EPHB1: variants seen among roughly 807,000 people sequenced by gnomAD.
The protein encoded by EPHB1 is ephrin type-B receptor 1.
Under a neutral mutation model 94.4 loss-of-function variants are expected in EPHB1, and 30 were observed. The observed-to-expected ratio is 0.32, with a 90% CI of 0.24 to 0.43. The LOEUF (loss-of-function observed/expected upper bound fraction) is 0.43, where lower values mean the gene tolerates loss of function less well. Among genes scored for constraint, EPHB1 ranks in the 20% least tolerant of loss-of-function variants. The pLI, the probability that EPHB1 is intolerant of heterozygous loss-of-function variation, is 1.00. For missense variants in EPHB1, 1,055 were observed against 1,308.3 expected, an observed-to-expected ratio of 0.81 and a Z score of 2.99; for synonymous variants, 522 against 489.1, an observed-to-expected ratio of 1.07 and a Z score of -0.89.
rs1348234159 is a variant in EPHB1, at chr3:134,890,134, C to A, written c.59-35682C>A. On this transcript the variant is annotated intron_variant, in intron 1 of 15. Coordinates refer to ENST00000398015, the MANE Select transcript of EPHB1 (RefSeq NM_004441.5). ...CACCTCTCCTCAGTCACTACCCCCCCTTCCACCAGGGGTACCCACTGACTT... is the reference window on the plus strand; with the variant it reads ...CACCTCTCCTCAGTCACTACCCCCCATTCCACCAGGGGTACCCACTGACTT... Among the ~76,000 whole-genome samples, 15 of 152,324 alleles carry A rather than the reference C, an allele frequency of 9.8e-5. No individual in the cohort carries two copies. In the East Asian group the frequency reaches 2.3e-3, roughly 24 times the overall value.
At chr3:134,897,485 G>A (rs1411107581) in intron 1 of EPHB1, among the ~76,000 whole-genome samples, 3 of 152,160 alleles carry the variant, frequency 2.0e-5, no homozygotes, top group Non-Finnish European at 4.4e-5. Flanking sequence ...CACATCACAG[G>A]TGTGTTCGAT....
At chr3:135,117,002 C>G (rs945990180) in intron 4 of EPHB1, among the ~76,000 whole-genome samples, 1 of 152,138 alleles carries the variant, frequency 6.6e-6, no homozygotes, top group Non-Finnish European at 1.5e-5. Flanking sequence ...GTGACAAAGA[C>G]CAGGGATCCC....
At chr3:134,801,555 A>C (rs1192649720) in intron 1 of EPHB1, among the ~76,000 whole-genome samples, 1 of 152,232 alleles carries the variant, frequency 6.6e-6, no homozygotes, top group Non-Finnish European at 1.5e-5. Flanking sequence ...CACTTAAGCA[A>C]CTTGAATATT....
At chr3:134,983,993 G>A (rs1934506657) in intron 3 of EPHB1, among the ~76,000 whole-genome samples, 1 of 152,236 alleles carries the variant, frequency 6.6e-6, no homozygotes. Context: ...AGGGTTAGGT[G>A]AATGTGGACT....
At chr3:135,176,655 C>G (rs1192519893) in intron 9 of EPHB1, among the ~76,000 whole-genome samples, 4 of 152,218 alleles carry the variant, frequency 2.6e-5, no homozygotes, top group Non-Finnish European at 5.9e-5. Flanking sequence ...TTGCGCATTA[C>G]TGGCCCAAAA....
intron 12 of EPHB1, among the ~76,000 whole-genome samples, chr3:135,232,684 A>G (rs2107724773): frequency 6.6e-6 from 1 of 152,330 alleles, no homozygotes; most frequent in Admixed American, 6.5e-5. Context: ...TATTTGCTGT[A>G]TTAGTCTGTT....
chr3:135,130,421 A>G (rs767412096), intron 4 of EPHB1, among the ~76,000 whole-genome samples: 18 of 152,348 alleles, frequency 1.2e-4, no homozygotes, highest in Non-Finnish European at 2.5e-4. Flanking sequence ...AAGTAATCAG[A>G]CTTCAGTTGG....
In EPHB1 at chr3:134,858,149, C is replaced by CCATCAT. The variant is rs71139558; in HGVS notation, c.58+62504_58+62509dup. Among the ~76,000 whole-genome samples the CCATCAT allele has an allele frequency of 5.4e-3, 803 of 148,420 alleles. 4 individuals carry two copies. The highest frequency in any genetic ancestry group is 0.014 in the Middle Eastern group (4 of 294). ...GCTCTCAATGGCAAGTTTTATTGTT[C>CCATCAT]CATCATCATCATCATCATCATCATC... On this transcript the variant is annotated intron_variant, in intron 1 of 15. Coordinates refer to ENST00000398015, the MANE Select transcript of EPHB1 (RefSeq NM_004441.5).
At chr3:135,127,428 C>G (rs554492920) in intron 4 of EPHB1, among the ~76,000 whole-genome samples, 42 of 152,300 alleles carry the variant, frequency 2.8e-4, no homozygotes, top group African/African-American at 9.6e-4. Flanking sequence ...TGGACAACCA[C>G]TGTGGTTGCC....
At chr3:135,086,509 A>G (rs549109590) in intron 3 of EPHB1, among the ~76,000 whole-genome samples, 15 of 151,720 alleles carry the variant, frequency 9.9e-5, no homozygotes, top group African/African-American at 3.4e-4. Flanking sequence ...TGACAATGAC[A>G]CTAGCAAGCT....
intron 12 of EPHB1, among the ~76,000 whole-genome samples, chr3:135,211,190 T>G (rs758689900): frequency 6.6e-6 from 1 of 152,220 alleles, no homozygotes; most frequent in Non-Finnish European, 1.5e-5. Flanking sequence ...AGAGACCACA[T>G]AATCATATCA....
chr3:134,969,176 T>C (rs1933878119), intron 3 of EPHB1, among the ~76,000 whole-genome samples: 1 of 152,222 alleles, frequency 6.6e-6, no homozygotes, highest in South Asian at 2.1e-4. Context: ...GCACTTGGTA[T>C]TATCAGTATT....
chr3:135,207,237 A>G (rs1419520153), intron 12 of EPHB1, among the ~76,000 whole-genome samples: 1 of 152,216 alleles, frequency 6.6e-6, no homozygotes, highest in Non-Finnish European at 1.5e-5. Context: ...ATATGTTTCT[A>G]GGCCTAAGAG....
chr3:135,024,182 C>T (rs899965784), intron 3 of EPHB1, among the ~76,000 whole-genome samples: 5 of 152,106 alleles, frequency 3.3e-5, no homozygotes, highest in African/African-American at 4.8e-5. Flanking sequence ...GATGAAAATC[C>T]CCTCTAAATG....
In EPHB1 at chr3:134,916,061, C is replaced by T. The variant is rs529132979; in HGVS notation, c.59-9755C>T. On this transcript the variant is annotated intron_variant, in intron 1 of 15. Transcript: ENST00000398015. ...CGTTTTGACAGGGTGCTGATTGGTGCGTTTACAATCCCTGAGCTAGACACA... is the reference window on the plus strand; with the variant it reads ...CGTTTTGACAGGGTGCTGATTGGTGTGTTTACAATCCCTGAGCTAGACACA... Among the ~76,000 whole-genome samples, 324 of 152,102 alleles carry T rather than the reference C, an allele frequency of 2.1e-3. 2 individuals are homozygous for T. The highest frequency in any genetic ancestry group is 7.4e-3 in the African/African-American group (305 of 41,480).
At chr3:135,091,840 CTA>C (rs1394063636) in intron 3 of EPHB1, among the ~76,000 whole-genome samples, 3 of 152,124 alleles carry the variant, frequency 2.0e-5, no homozygotes, top group Non-Finnish European at 4.4e-5. Context: ...CCTGGCTGAC[CTA>C]TGTGTGCCCT....
chr3:135,146,940 C>G (rs1370513424), intron 5 of EPHB1, among the ~76,000 whole-genome samples: 1 of 152,168 alleles, frequency 6.6e-6, no homozygotes, highest in Non-Finnish European at 1.5e-5. Flanking sequence ...AGAGACCACA[C>G]AGAGAACATC....
chr3:135,049,765 A>G (rs1412429001), intron 3 of EPHB1, among the ~76,000 whole-genome samples: 1 of 152,200 alleles, frequency 6.6e-6, no homozygotes. Context: ...AGTCCTGAGC[A>G]CCAATTTTGA....
chr3:135,140,559 G>A (rs114039673), intron 5 of EPHB1, among the ~76,000 whole-genome samples: 1 of 152,298 alleles, frequency 6.6e-6, no homozygotes, highest in African/African-American at 2.4e-5. Context: ...TCCTTTATCA[G>A]GCACCTTTGG....
Sources: gnomAD v4.1 joint callset for allele counts (sites outside exome capture counted in the v4.1 genomes callset) on GRCh38, gnomAD v4.1.1 for gene constraint, MANE v1.5 for transcripts, NCBI Gene and HGNC (gene_info 2026-07-23, HGNC 2026-07-21) for gene names.